UNC5C: variants seen among roughly 807,000 people sequenced by gnomAD.
UNC5C encodes the protein unc-5 netrin receptor C, also known as netrin receptor UNC5C.
In UNC5C, 47 loss-of-function variants were observed where a neutral mutation model predicts 99.8. The ratio of observed to expected loss-of-function variants is 0.47; its 90% CI spans 0.37 to 0.60. The LOEUF is 0.60. Among genes scored for constraint, UNC5C ranks in the 20% least tolerant of loss-of-function variants. The probability of loss-of-function intolerance (pLI) is 0.00; values close to 1 mark genes in which losing one functional copy is unlikely to be tolerated. For synonymous variants in UNC5C, 487 were observed against 452.2 expected (o/e 1.08, Z -0.98); for missense variants, 1,062 against 1,165.9 (o/e 0.91, Z 1.30).
intron 1 of UNC5C, among the ~76,000 whole-genome samples, chr4:95,417,404 T>A (rs1454540469): frequency 6.6e-6 from 1 of 152,178 alleles, no homozygotes; most frequent in Non-Finnish European, 1.5e-5. Flanking sequence ...AAACTTCTAG[T>A]ATTTGACATC....
At chr4:95,517,856 C>T (rs1009659645) in intron 1 of UNC5C, among the ~76,000 whole-genome samples, 2 of 152,170 alleles carry the variant, frequency 1.3e-5, no homozygotes, top group South Asian at 2.1e-4. Context: ...TTAAGTAACT[C>T]ATTGAGTCTC....
chr4:95,210,092 C>T (rs1472129668), intron 10 of UNC5C, among the ~76,000 whole-genome samples: 1 of 152,098 alleles, frequency 6.6e-6, no homozygotes, highest in Non-Finnish European at 1.5e-5. Flanking sequence ...AGAAGGCTCC[C>T]TGCTGGGCTG....
intron 1 of UNC5C, among the ~76,000 whole-genome samples, chr4:95,369,806 A>T (rs549741564): frequency 6.6e-6 from 1 of 152,184 alleles, no homozygotes; most frequent in Non-Finnish European, 1.5e-5. Context: ...TAGGTAAAAT[A>T]TGAATAAATA....
At chr4:95,235,279 T>A (rs972337863) in intron 7 of UNC5C, among the ~76,000 whole-genome samples, 8 of 152,218 alleles carry the variant, frequency 5.3e-5, no homozygotes, top group African/African-American at 1.9e-4. Context: ...ATTATAAACA[T>A]AATGGAATAC....
intron 3 of UNC5C, among the ~76,000 whole-genome samples, chr4:95,280,971 G>GT (rs535860092): frequency 1.3e-3 from 201 of 152,156 alleles, no homozygotes; most frequent in African/African-American, 4.6e-3. Context: ...GGCTTCTCTT[G>GT]TTTTTTTGAT....
intron 2 of UNC5C, among the ~76,000 whole-genome samples, chr4:95,333,553 A>T (rs1001378880): frequency 8.0e-6 from 1 of 125,486 alleles, no homozygotes; most frequent in African/African-American, 3.0e-5. Context: ...GGGGAACATC[A>T]CACTCTGCGG....
chr4:95,265,231 G>A (rs1012521175), intron 4 of UNC5C, among the ~76,000 whole-genome samples: 3 of 152,106 alleles, frequency 2.0e-5, no homozygotes, highest in African/African-American at 7.2e-5. Flanking sequence ...CTTTTCTTAA[G>A]CTCTATTCAT....
intron 1 of UNC5C, among the ~76,000 whole-genome samples, chr4:95,429,269 T>C (rs925997974): frequency 4.1e-5 from 5 of 121,712 alleles, no homozygotes; most frequent in Middle Eastern, 4.1e-3. Context: ...TAAATAATAC[T>C]TAGTGATTCT....
intron 1 of UNC5C, among the ~76,000 whole-genome samples, chr4:95,427,067 C>T (rs1202538378): frequency 1.3e-5 from 2 of 152,118 alleles, no homozygotes. Flanking sequence ...TTATGAATGA[C>T]TTTGAGGGGG....
intron 7 of UNC5C, among the ~76,000 whole-genome samples, chr4:95,235,375 G>A (rs36040316): frequency 0.29 from 43,601 of 151,894 alleles, 6,841 homozygotes; most frequent in East Asian, 0.58. Flanking sequence ...TGTAGATTCT[G>A]GATATTAGCC....
intron 3 of UNC5C, among the ~76,000 whole-genome samples, chr4:95,281,651 A>G (rs569353082): frequency 6.6e-6 from 1 of 152,334 alleles, no homozygotes; most frequent in South Asian, 2.1e-4. Context: ...GGCAAGGATA[A>G]TGTTATATTC....
chr4:95,232,942 C>T (rs1158357891), intron 7 of UNC5C, among the ~76,000 whole-genome samples: 1 of 152,208 alleles, frequency 6.6e-6, no homozygotes, highest in Admixed American at 6.5e-5. Context: ...ATTATGCTTT[C>T]CTATCAAACT....
chr4:95,346,981 T>G (rs909757379), intron 1 of UNC5C, among the ~76,000 whole-genome samples: 4 of 152,020 alleles, frequency 2.6e-5, no homozygotes, highest in African/African-American at 9.7e-5. Flanking sequence ...CAAATTATCC[T>G]TGTTTGCAGA....
At chr4:95,545,734 T>C (rs1723039841) in intron 1 of UNC5C, among the ~76,000 whole-genome samples, 1 of 150,942 alleles carries the variant, frequency 6.6e-6, no homozygotes, top group Non-Finnish European at 1.5e-5. Flanking sequence ...AGGGTCCTAA[T>C]TCAGAAGCAC....
intron 7 of UNC5C, among the ~76,000 whole-genome samples, chr4:95,237,079 T>A (rs1239264977): frequency 6.6e-6 from 1 of 152,204 alleles, no homozygotes; most frequent in Non-Finnish European, 1.5e-5. Flanking sequence ...TAATACCTAA[T>A]ACAATTTAAA....
chr4:95,496,219 G>A lies in UNC5C; in HGVS notation c.124+52515C>T, dbSNP rs185119851. Among the ~76,000 whole-genome samples, 8 of 151,788 alleles carry A rather than the reference G, an allele frequency of 5.3e-5. No homozygotes were observed. In the East Asian group the frequency reaches 9.7e-4, roughly 18 times the overall value. ...TATTTACATATTTTAGCTCTTTTCTGACTTTCAAAAGAAACATTTACTGAG... is the reference window on the plus strand; with the variant it reads ...TATTTACATATTTTAGCTCTTTTCTAACTTTCAAAAGAAACATTTACTGAG... On this transcript the variant is annotated intron_variant, in intron 1 of 15. Transcript: ENST00000453304.
At chr4:95,398,735 G>T (rs1170367723) in intron 1 of UNC5C, among the ~76,000 whole-genome samples, 3 of 152,122 alleles carry the variant, frequency 2.0e-5, no homozygotes, top group Non-Finnish European at 4.4e-5. Flanking sequence ...GTCTTAATGA[G>T]ATAAGGTTTA....
chr4:95,521,778 C>T (rs1032137), intron 1 of UNC5C, among the ~76,000 whole-genome samples: 135,006 of 152,202 alleles, frequency 0.89, 60,002 homozygotes, highest in Non-Finnish European at 0.92. Context: ...AAAGAAATGA[C>T]TGTATATTTT....
intron 1 of UNC5C, among the ~76,000 whole-genome samples, chr4:95,423,555 A>G (rs1044074676): frequency 3.3e-5 from 5 of 152,246 alleles, no homozygotes; most frequent in African/African-American, 1.2e-4. Flanking sequence ...TTCCCATGGT[A>G]TTCTTTACCA....
Sources: gnomAD v4.1 joint callset for allele counts (sites outside exome capture counted in the v4.1 genomes callset) on GRCh38, gnomAD v4.1.1 for gene constraint, MANE v1.5 for transcripts, NCBI Gene and HGNC (gene_info 2026-07-23, HGNC 2026-07-21) for gene names.